Variants in AGBL4 observed in about 807,000 individuals in gnomAD.
The protein encoded by AGBL4 is cytosolic carboxypeptidase 6.
AGBL4 carries 58 observed loss-of-function variants against 66.4 expected under a neutral mutation model. The observed-to-expected ratio is 0.87, with a 90% CI of 0.71 to 1.09. AGBL4 has a LOEUF of 1.09. Ranked by LOEUF, AGBL4 falls within the 50% of genes least tolerant of loss-of-function variation. AGBL4 has a pLI of 0.00. For missense variants in AGBL4, 579 were observed against 631.0 expected (o/e 0.92, Z 0.88); for synonymous variants, 234 against 222.9 (o/e 1.05, Z -0.44).
intron 2 of AGBL4, among the ~76,000 whole-genome samples, chr1:49,817,629 G>GAGA (rs2147985010): frequency 6.6e-6 from 1 of 152,246 alleles, no homozygotes; most frequent in Admixed American, 6.5e-5. Flanking sequence ...AAATCTGAGA[G>GAGA]AGAAGAAAAT....
intron 1 of AGBL4, among the ~76,000 whole-genome samples, chr1:49,862,744 T>C (rs143122581): frequency 7.2e-5 from 11 of 152,060 alleles, no homozygotes; most frequent in Non-Finnish European, 1.2e-4. Context: ...CATGACATAG[T>C]CAAAGGGCTG....
rs1384805223 is a variant in AGBL4, at chr1:49,849,504, C to CAT, written c.157+1891_157+1892insAT. On this transcript the variant is annotated intron_variant, in intron 2 of 13. Coordinates refer to ENST00000371839, the MANE Select transcript of AGBL4 (RefSeq NM_032785.4). ...ACACACACACACACACACACACACACACACATACATACATTAAGATGGATA... is the reference window on the plus strand; with the variant it reads ...ACACACACACACACACACACACACACATACACATACATACATTAAGATGGATA... 8.1e-4 allele frequency among the ~76,000 whole-genome samples: 118 copies of CAT among 146,476 alleles called. 2 individuals are homozygous for CAT. In the East Asian group the frequency reaches 0.018, roughly 23 times the overall value.
chr1:49,129,280 G>C (rs1431809101), intron 4 of AGBL4, among the ~76,000 whole-genome samples: 2 of 125,704 alleles, frequency 1.6e-5, no homozygotes, highest in Non-Finnish European at 3.8e-5. Flanking sequence ...ACTAATGACT[G>C]TTTTTGTTTT....
chr1:49,504,163 A>G (rs2148769345), intron 3 of AGBL4, among the ~76,000 whole-genome samples: 1 of 152,130 alleles, frequency 6.6e-6, no homozygotes, highest in Admixed American at 6.5e-5. Context: ...TAGTTTTATA[A>G]TCATTGGCAT....
At chr1:49,388,049 T>C (rs755989206) in intron 3 of AGBL4, among the ~76,000 whole-genome samples, 1 of 152,062 alleles carries the variant, frequency 6.6e-6, no homozygotes, top group Non-Finnish European at 1.5e-5. Flanking sequence ...AAAAAACACA[T>C]AGGACAGTGG....
chr1:49,414,096 T>C (rs1456181194), intron 3 of AGBL4, among the ~76,000 whole-genome samples: 1 of 152,184 alleles, frequency 6.6e-6, no homozygotes, highest in Non-Finnish European at 1.5e-5. Context: ...GAAGAAATTA[T>C]CCTTAAGGTT....
At chr1:49,832,595 T>G (rs1299936253) in intron 2 of AGBL4, among the ~76,000 whole-genome samples, 1 of 152,040 alleles carries the variant, frequency 6.6e-6, no homozygotes, top group East Asian at 1.9e-4. Context: ...ATGGTTGAAC[T>G]AGTTTACAGT....
chr1:48,840,244 C>T (rs1159200534), intron 6 of AGBL4, among the ~76,000 whole-genome samples: 1 of 152,104 alleles, frequency 6.6e-6, no homozygotes, highest in Non-Finnish European at 1.5e-5. Flanking sequence ...CCTATTCATA[C>T]AGAATACCTC....
chr1:48,748,212 T>C (rs1651067879), intron 6 of AGBL4, among the ~76,000 whole-genome samples: 1 of 152,204 alleles, frequency 6.6e-6, no homozygotes, highest in African/African-American at 2.4e-5. Flanking sequence ...CCTCCGGAGC[T>C]GGGTAGGAGG....
chr1:48,982,671 T>A (rs1222178840), intron 5 of AGBL4, among the ~76,000 whole-genome samples: 2 of 152,196 alleles, frequency 1.3e-5, no homozygotes, highest in Non-Finnish European at 2.9e-5. Context: ...TACGTGTGCA[T>A]GTGTTTTTAT....
At chr1:49,058,448 C>G (rs1644345038) in intron 4 of AGBL4, among the ~76,000 whole-genome samples, 1 of 152,188 alleles carries the variant, frequency 6.6e-6, no homozygotes, top group Non-Finnish European at 1.5e-5. Context: ...ATGTTTGCTT[C>G]CCCTTCAGCT....
At chr1:49,737,380 A>G (rs1426795605) in intron 2 of AGBL4, among the ~76,000 whole-genome samples, 2 of 152,254 alleles carry the variant, frequency 1.3e-5, no homozygotes, top group Non-Finnish European at 2.9e-5. Context: ...TGTCCTTTGC[A>G]GCAACATGGA....
At chr1:50,000,432 C>T (rs969403588) in intron 1 of AGBL4, among the ~76,000 whole-genome samples, 20 of 152,104 alleles carry the variant, frequency 1.3e-4, no homozygotes, top group Admixed American at 7.2e-4. Context: ...AAGATGTTGG[C>T]GTGGATGTGG....
At chr1:48,842,876 A>G (rs1487677006) in intron 6 of AGBL4, among the ~76,000 whole-genome samples, 3 of 152,178 alleles carry the variant, frequency 2.0e-5, no homozygotes, top group Admixed American at 6.5e-5. Flanking sequence ...TACAACATCA[A>G]TGAACCATGA....
chr1:48,648,238 CT>C (rs1248237648), intron 8 of AGBL4, among the ~76,000 whole-genome samples: 1 of 152,214 alleles, frequency 6.6e-6, no homozygotes, highest in Non-Finnish European at 1.5e-5. Flanking sequence ...CTCCCAGCCC[CT>C]GGTAACCACC....
intron 1 of AGBL4, among the ~76,000 whole-genome samples, chr1:50,016,265 T>C (rs1356976871): frequency 6.6e-6 from 1 of 152,108 alleles, no homozygotes; most frequent in East Asian, 1.9e-4. Flanking sequence ...TATAAGGAAC[T>C]TAAACAAATT....
At chr1:49,272,455 C>G (rs1247317422) in intron 3 of AGBL4, among the ~76,000 whole-genome samples, 1 of 152,042 alleles carries the variant, frequency 6.6e-6, no homozygotes, top group Non-Finnish European at 1.5e-5. Flanking sequence ...TTATAAAATC[C>G]AGTGGTAAAT....
chr1:49,738,453 T>C (rs542682205), intron 2 of AGBL4, among the ~76,000 whole-genome samples: 1 of 152,308 alleles, frequency 6.6e-6, no homozygotes, highest in Non-Finnish European at 1.5e-5. Context: ...GAGGCCTCCC[T>C]GCCTCTGTAG....
chr1:49,746,318 A>C (rs1650983184), intron 2 of AGBL4, among the ~76,000 whole-genome samples: 1 of 152,034 alleles, frequency 6.6e-6, no homozygotes, highest in African/African-American at 2.4e-5. Context: ...CTTCCACATG[A>C]TAAAACTCTA....
Sources: gnomAD v4.1 joint callset for allele counts (sites outside exome capture counted in the v4.1 genomes callset) on GRCh38, gnomAD v4.1.1 for gene constraint, MANE v1.5 for transcripts, NCBI Gene and HGNC (gene_info 2026-07-23, HGNC 2026-07-21) for gene names.